LRRC4C: variants seen among roughly 807,000 people sequenced by gnomAD.
The protein encoded by LRRC4C is leucine rich repeat containing 4C.
Under a neutral mutation model 33.6 loss-of-function variants are expected in LRRC4C, and 5 were observed. The observed-to-expected ratio is 0.15, with a 90% CI of 0.08 to 0.31. The LOEUF (loss-of-function observed/expected upper bound fraction) is 0.31, where lower values mean the gene tolerates loss of function less well. Among genes scored for constraint, LRRC4C ranks in the 10% least tolerant of loss-of-function variants. The pLI, the probability that LRRC4C is intolerant of heterozygous loss-of-function variation, is 1.00. For missense variants in LRRC4C, 560 were observed against 796.7 expected (o/e 0.70, Z 3.58); for synonymous variants, 329 against 302.0 (o/e 1.09, Z -0.93).
chr11:41,210,334 T>C (rs1946771437), intron 1 of LRRC4C, among the ~76,000 whole-genome samples: 1 of 152,154 alleles, frequency 6.6e-6, no homozygotes, highest in African/African-American at 2.4e-5. Flanking sequence ...CCCCATACTG[T>C]TCTCCTGGTC....
chr11:41,386,298 AG>A (rs1246061950), intron 1 of LRRC4C, among the ~76,000 whole-genome samples: 1 of 151,072 alleles, frequency 6.6e-6, no homozygotes, highest in African/African-American at 2.5e-5. Flanking sequence ...TGCTTTTTCA[AG>A]ACTTACTTAC....
intron 1 of LRRC4C, among the ~76,000 whole-genome samples, chr11:41,082,490 G>T (rs180734544): frequency 1.4e-5 from 2 of 142,994 alleles, no homozygotes; most frequent in Admixed American, 1.4e-4. Context: ...ATTGAGCAGT[G>T]ACTGACTTTG....
intron 2 of LRRC4C, among the ~76,000 whole-genome samples, chr11:40,829,920 G>T (rs965394961): frequency 6.6e-6 from 1 of 151,976 alleles, no homozygotes; most frequent in Non-Finnish European, 1.5e-5. Context: ...CCCAGGAATT[G>T]CTATGAAAAC....
intron 3 of LRRC4C, among the ~76,000 whole-genome samples, chr11:40,608,189 T>A (rs1449351515): frequency 1.3e-5 from 2 of 152,162 alleles, no homozygotes; most frequent in Non-Finnish European, 2.9e-5. Context: ...TAATTCTAAC[T>A]ATAAAATACG....
At chr11:40,300,369 G>T (rs1261183224) in intron 4 of LRRC4C, among the ~76,000 whole-genome samples, 1 of 152,194 alleles carries the variant, frequency 6.6e-6, no homozygotes, top group African/African-American at 2.4e-5. Flanking sequence ...GATGATTGCA[G>T]AATTGCCCAT....
intron 5 of LRRC4C, among the ~76,000 whole-genome samples, chr11:40,201,017 G>A (rs1327693753): frequency 6.6e-6 from 1 of 152,134 alleles, no homozygotes; most frequent in African/African-American, 2.4e-5. Flanking sequence ...ATAAGTTGAA[G>A]CGGAATGTAG....
intron 3 of LRRC4C, among the ~76,000 whole-genome samples, chr11:40,598,070 G>A (rs533942639): frequency 6.6e-6 from 1 of 152,260 alleles, no homozygotes; most frequent in Admixed American, 6.5e-5. Context: ...AGTTTCCTCT[G>A]AAGTAGCAGG....
At chr11:40,768,710 T>G (rs543664343) in intron 2 of LRRC4C, among the ~76,000 whole-genome samples, 1 of 152,218 alleles carries the variant, frequency 6.6e-6, no homozygotes, top group African/African-American at 2.4e-5. Context: ...GTGTGATACA[T>G]TGTATTAACA....
chr11:40,171,897 C>T (rs1860076282), intron 5 of LRRC4C, among the ~76,000 whole-genome samples: 1 of 151,890 alleles, frequency 6.6e-6, no homozygotes, highest in Non-Finnish European at 1.5e-5. Context: ...TATATTAGTG[C>T]TTTATAAAAG....
intron 1 of LRRC4C, among the ~76,000 whole-genome samples, chr11:41,250,206 T>C (rs988649808): frequency 5.0e-4 from 76 of 152,062 alleles, no homozygotes; most frequent in African/African-American, 1.8e-3. Context: ...AAATAGTGCC[T>C]GGCACCCAGG....
At chr11:41,052,503 G>C (rs1442199725) in intron 1 of LRRC4C, among the ~76,000 whole-genome samples, 1 of 151,038 alleles carries the variant, frequency 6.6e-6, no homozygotes, top group Admixed American at 6.6e-5. Flanking sequence ...CCTTTACATG[G>C]TCTCTGTTCA....
intron 3 of LRRC4C, among the ~76,000 whole-genome samples, chr11:40,583,822 T>C (rs949266171): frequency 6.6e-6 from 1 of 151,724 alleles, no homozygotes; most frequent in African/African-American, 2.4e-5. Context: ...AGTAAGTAGG[T>C]ACTCAGTGAT....
intron 2 of LRRC4C, among the ~76,000 whole-genome samples, chr11:40,719,206 A>G (rs988735155): frequency 1.6e-4 from 25 of 152,240 alleles, no homozygotes; most frequent in African/African-American, 5.8e-4. Context: ...TACCTTGTAA[A>G]TTGTGAACAT....
At chr11:41,049,980 C>T (rs1858085034) in intron 1 of LRRC4C, among the ~76,000 whole-genome samples, 1 of 152,122 alleles carries the variant, frequency 6.6e-6, no homozygotes, top group African/African-American at 2.4e-5. Context: ...GCATAATTAG[C>T]TCATCATATG....
chr11:40,361,742 C>T (rs1207763655), intron 3 of LRRC4C, among the ~76,000 whole-genome samples: 2 of 152,138 alleles, frequency 1.3e-5, no homozygotes, highest in Admixed American at 6.6e-5. Flanking sequence ...TGACATGCTT[C>T]ACAGAACTAG....
intron 6 of LRRC4C, among the ~76,000 whole-genome samples, chr11:40,123,020 GA>G (rs1855951483): frequency 1.3e-5 from 2 of 150,614 alleles, no homozygotes; most frequent in African/African-American, 2.4e-5. Context: ...GGGAGAGACT[GA>G]CCCCAGTACT....
intron 3 of LRRC4C, among the ~76,000 whole-genome samples, chr11:40,408,537 G>A (rs145135173): frequency 3.5e-4 from 53 of 151,846 alleles, no homozygotes; most frequent in Admixed American, 1.9e-3. Context: ...TATTAGAAAA[G>A]GATAGAGGTT....
At chr11:41,450,889 C>A (rs1171297175) in intron 1 of LRRC4C, among the ~76,000 whole-genome samples, 1 of 152,068 alleles carries the variant, frequency 6.6e-6, no homozygotes, top group Non-Finnish European at 1.5e-5. Flanking sequence ...TAAGACAAAC[C>A]TCAAATTCCC....
At chr11:41,246,917 T>A (rs532904045) in intron 1 of LRRC4C, among the ~76,000 whole-genome samples, 13 of 152,334 alleles carry the variant, frequency 8.5e-5, no homozygotes, top group African/African-American at 3.1e-4. Flanking sequence ...AAACACCTTT[T>A]CAGAAAGTTC....
Sources: allele counts gnomAD v4.1 joint callset (sites outside exome capture counted in the v4.1 genomes callset), GRCh38; gene constraint gnomAD v4.1.1; transcripts MANE v1.5; gene names NCBI Gene and HGNC (gene_info 2026-07-23, HGNC 2026-07-21).